Variants in SNX29 observed in about 807,000 individuals in gnomAD.
SNX29 encodes sorting nexin-29.
Under a neutral mutation model 102.1 loss-of-function variants are expected in SNX29, and 78 were observed. The ratio of observed to expected loss-of-function variants is 0.76; its 90% confidence interval spans 0.64 to 0.92. The LOEUF (loss-of-function observed/expected upper bound fraction) is 0.92, where lower values mean the gene tolerates loss of function less well. Among genes scored for constraint, SNX29 ranks in the 40% least tolerant of loss-of-function variants. SNX29 has a pLI of 0.00. For synonymous variants in SNX29, 580 were observed against 414.5 expected, an observed-to-expected ratio of 1.40 and a Z score of -4.85; for missense variants, 1,280 against 1,061.7, an observed-to-expected ratio of 1.21 and a Z score of -2.86.
chr16:12,490,138 A>G (rs1007932049), intron 19 of SNX29, among the ~76,000 whole-genome samples: 1 of 152,142 alleles, frequency 6.6e-6, no homozygotes. Flanking sequence ...GAGGTATAGC[A>G]TACCTCCAAT....
chr16:12,435,307 G>A (rs1485182808), intron 18 of SNX29, among the ~76,000 whole-genome samples: 1 of 152,166 alleles, frequency 6.6e-6, no homozygotes, highest in Non-Finnish European at 1.5e-5. Context: ...ACACACTTCT[G>A]CCTTACAACT....
At chr16:12,084,238 C>T (rs899109982) in intron 11 of SNX29, among the ~76,000 whole-genome samples, 9 of 151,948 alleles carry the variant, frequency 5.9e-5, no homozygotes, top group African/African-American at 1.7e-4. Context: ...CTCCGCCTCC[C>T]GGATTCAGGC....
intron 13 of SNX29, among the ~76,000 whole-genome samples, chr16:12,170,623 C>T (rs1351774704): frequency 4.6e-5 from 7 of 151,798 alleles, no homozygotes; most frequent in East Asian, 1.9e-4. Flanking sequence ...GGACTTCTCA[C>T]GGATTGGTTA....
Position 12,477,875 on chromosome 16 carries a change from G to A in SNX29, c.2178+16G>A. The A allele has an allele frequency of 3.2e-6, 5 of 1,568,858 alleles. No homozygotes were observed. The highest frequency in any genetic ancestry group is 4.3e-6 in the Non-Finnish European group (5 of 1,161,920). ...TGGAAACAAGGTACCATCCCGTGCT[G>A]GGAAGCCCACTTGTCACTGCCTGCG... On this transcript the variant is annotated intron_variant, in intron 19 of 20. Transcript: ENST00000566228.
intron 11 of SNX29, among the ~76,000 whole-genome samples, chr16:12,120,007 T>G (rs1167008604): frequency 6.6e-6 from 1 of 152,130 alleles, no homozygotes; most frequent in African/African-American, 2.4e-5. Flanking sequence ...CTCCTTTATC[T>G]TAACAAATTG....
chr16:12,038,639 TATC>T (rs1457395904), intron 4 of SNX29: 2 of 152,232 alleles, frequency 1.3e-5, no homozygotes, highest in East Asian at 1.9e-4. Context: ...GGATAATTCT[TATC>T]ATCATCAGCA....
chr16:12,220,076 C>G (rs926126312), intron 14 of SNX29, among the ~76,000 whole-genome samples: 1 of 152,256 alleles, frequency 6.6e-6, no homozygotes. Context: ...ACTCCAGGGT[C>G]TCTTGCGACC....
chr16:12,565,445 C>G (rs543290591), intron 20 of SNX29, among the ~76,000 whole-genome samples: 5 of 152,148 alleles, frequency 3.3e-5, no homozygotes, highest in Admixed American at 6.5e-5. Context: ...CTCACCTGCC[C>G]CCTCCTCATC....
chr16:12,460,736 C>T (rs2086744629), intron 18 of SNX29, among the ~76,000 whole-genome samples: 1 of 150,236 alleles, frequency 6.7e-6, no homozygotes, highest in East Asian at 2.0e-4. Context: ...CAGCTCAATG[C>T]AACCTCCGCC....
chr16:12,296,529 A>C (rs936733343), intron 15 of SNX29, among the ~76,000 whole-genome samples: 3 of 152,256 alleles, frequency 2.0e-5, no homozygotes, highest in African/African-American at 7.2e-5. Context: ...GTTGTGGGCC[A>C]TGTGATCCCC....
chr16:12,398,547 C>T (rs1391416930), intron 17 of SNX29, 46 bp downstream of exon 17: 2 of 1,606,248 alleles, frequency 1.2e-6, no homozygotes, highest in South Asian at 1.1e-5. Flanking sequence ...AGAAACTGGA[C>T]TCTGTTGTTG....
At chr16:12,542,560 G>T (rs1597852482) in intron 20 of SNX29, among the ~76,000 whole-genome samples, 1 of 152,146 alleles carries the variant, frequency 6.6e-6, no homozygotes, top group South Asian at 2.1e-4. Flanking sequence ...TTGAACTCCT[G>T]ACCTCAAGTG....
At chr16:12,029,945 C>CT (rs35128101) in intron 4 of SNX29, among the ~76,000 whole-genome samples, 100,071 of 151,856 alleles carry the variant, frequency 0.66, 33,315 homozygotes, top group Non-Finnish European at 0.69. Flanking sequence ...TATAGGTTGG[C>CT]AGTCAATTAC....
At chr16:12,566,691 G>C (rs188793976) in intron 20 of SNX29, among the ~76,000 whole-genome samples, 18 of 19,146 alleles carry the variant, frequency 9.4e-4, no homozygotes, top group African/African-American at 3.1e-3. Context: ...GAGGCTCTTC[G>C]TAAGTGGGGT....
intron 17 of SNX29, among the ~76,000 whole-genome samples, chr16:12,399,816 C>T (rs1209521694): frequency 1.3e-5 from 2 of 152,012 alleles, no homozygotes; most frequent in Admixed American, 6.6e-5. Flanking sequence ...GTGAATTTGC[C>T]TGCTGTGGGC....
At chr16:12,228,154 C>A (rs1033149907) in intron 14 of SNX29, among the ~76,000 whole-genome samples, 1 of 152,174 alleles carries the variant, frequency 6.6e-6, no homozygotes, top group African/African-American at 2.4e-5. Flanking sequence ...TCAGAGTCTG[C>A]ACTTTAACAA....
At chr16:12,324,946 G>T (rs2081073304) in intron 15 of SNX29, among the ~76,000 whole-genome samples, 1 of 152,102 alleles carries the variant, frequency 6.6e-6, no homozygotes, top group African/African-American at 2.4e-5. Context: ...GCAAGCTCTT[G>T]GGTGGCTTTA....
chr16:12,146,641 A>G (rs564305887), intron 13 of SNX29, among the ~76,000 whole-genome samples: 18 of 152,198 alleles, frequency 1.2e-4, no homozygotes, highest in Admixed American at 6.5e-4. Context: ...TCAGAAATGG[A>G]GCTAGTTCTA....
intron 20 of SNX29, among the ~76,000 whole-genome samples, chr16:12,541,894 A>C (rs1241072668): frequency 6.6e-6 from 1 of 152,150 alleles, no homozygotes; most frequent in Non-Finnish European, 1.5e-5. Context: ...GTTTATGATG[A>C]TGCAACAGAT....
Sources: gnomAD v4.1 joint callset for allele counts (sites outside exome capture counted in the v4.1 genomes callset) on GRCh38, gnomAD v4.1.1 for gene constraint, MANE v1.5 for transcripts, NCBI Gene and HGNC (gene_info 2026-07-23, HGNC 2026-07-21) for gene names.